Variants in FKBP15 observed in about 807,000 individuals in gnomAD.
FKBP15 encodes FKBP prolyl isomerase family member 15, also known as FK506-binding protein 15.
Under a neutral mutation model 158.1 loss-of-function variants are expected in FKBP15, and 106 were observed. The ratio of observed to expected loss-of-function variants is 0.67; its 90% confidence interval spans 0.57 to 0.79. The LOEUF (loss-of-function observed/expected upper bound fraction) is 0.79, where lower values mean the gene tolerates loss of function less well. Ranked by LOEUF, FKBP15 falls within the 30% of genes least tolerant of loss-of-function variation. The pLI is 0.00. For synonymous variants in FKBP15, 547 were observed against 548.6 expected (o/e 1.00, Z 0.04); for missense variants, 1,287 against 1,479.1 (o/e 0.87, Z 2.13).
intron 21 of FKBP15, 85 bp downstream of exon 21, chr9:113,176,452 A>G: frequency 7.2e-7 from 1 of 1,388,164 alleles, no homozygotes; most frequent in Non-Finnish European, 9.6e-7. Context: ...TTGTTACAAT[A>G]AGCACATACT....
At chr9:113,208,558 G>A (rs1830939795) in intron 2 of FKBP15, among the ~76,000 whole-genome samples, 1 of 152,074 alleles carries the variant, frequency 6.6e-6, no homozygotes, top group South Asian at 2.1e-4. Context: ...TAGAGTACAA[G>A]TGCATTGTAG....
At chr9:113,172,133 G>A (rs1011692858) in intron 23 of FKBP15, among the ~76,000 whole-genome samples, 14 of 152,054 alleles carry the variant, frequency 9.2e-5, no homozygotes, top group African/African-American at 3.4e-4. Flanking sequence ...TTTGCTGGGA[G>A]TGATGGTTTC....
chr9:113,212,544 C>A (rs138729170), intron 1 of FKBP15, among the ~76,000 whole-genome samples: 18 of 152,294 alleles, frequency 1.2e-4, no homozygotes, highest in Admixed American at 5.2e-4. Flanking sequence ...TATTTCACCT[C>A]ATACCACCTT....
At position 113,164,261 on chromosome 9, in the gene FKBP15, T is replaced by G. The variant is rs559125867; in HGVS notation, c.*1817A>C. On this transcript the variant is annotated 3_prime_UTR_variant, in exon 28 of 28. Coordinates refer to ENST00000238256, the MANE Select transcript of FKBP15 (RefSeq NM_015258.2). The stretch of plus-strand genomic sequence containing the variant: ...TTTATAAGCCTGTCTGAGGACAGAG[T>G]CCATCCATCTGCTACAAAGACAACT... 4.3e-5 allele frequency: 6 copies of G among 141,062 alleles called. No individual in the cohort carries two copies. The South Asian group carries it at 1.4e-3, about 32-fold the overall frequency. The allele number at this position is 141,062 out of a possible 1,614,324, so 8.7% of individuals were successfully genotyped here.
intron 5 of FKBP15, 102 bp downstream of exon 5, chr9:113,202,859 G>C: frequency 1.0e-6 from 1 of 995,034 alleles, no homozygotes; most frequent in Non-Finnish European, 1.5e-6. Context: ...GGACACCCAG[G>C]GCTGAACCAG....
In FKBP15 at chr9:113,162,628, A is replaced by G. The variant is rs1830032090; in HGVS notation, c.*3450T>C. Reference sequence around the variant, plus strand: ...GAAAGAAATCACTCCTGGGTTAAGCATACAAGTTATAAATCAATCGGGTCA... The same window carrying G: ...GAAAGAAATCACTCCTGGGTTAAGCGTACAAGTTATAAATCAATCGGGTCA... On this transcript the variant is annotated 3_prime_UTR_variant, in exon 28 of 28. Transcript: ENST00000238256. 2 of 911,718 alleles carry G rather than the reference A, an allele frequency of 2.2e-6. No individual in the cohort carries two copies. Among genetic ancestry groups the G allele is most frequent in the East Asian group, 5.2e-5 (2 of 38,476 alleles). The allele number at this position is 911,718 out of a possible 1,614,324, so 56.5% of individuals were successfully genotyped here. A position where few individuals can be genotyped will look rare whatever the true frequency, so the allele number is the denominator to read the frequency against.
Position 113,171,620 on chromosome 9 carries a change from C to T in FKBP15, c.2619G>A (p.Met873Ile), listed in dbSNP as rs1444313752. The T allele has an allele frequency of 8.7e-6, 14 of 1,606,234 alleles. No homozygotes were observed. The highest frequency in any genetic ancestry group is 6.8e-5 in the Admixed American group (4 of 58,942). ...IKELEKNKSQ[M>I]SGVEAAASDP... ...CAGATGCAGCAGCTTCAACCCCAGA[C>T]ATCTGGGACTTGTTCTTCTCTAGTT... is the stretch of plus-strand genomic sequence containing the variant. The change falls in exon 24 of 28, where the codon ATG (methionine) becomes ATA (isoleucine). Residue 873 changes from methionine to isoleucine, a missense_variant. Transcript: ENST00000238256.
intron 11 of FKBP15, 126 bp from the exon 12 acceptor site, chr9:113,190,704 T>C (rs1351778042): frequency 1.5e-6 from 1 of 673,036 alleles, no homozygotes; most frequent in Middle Eastern, 2.5e-4. Context: ...TTTAAAAACA[T>C]TTCCTCTAGA....
intron 1 of FKBP15, among the ~76,000 whole-genome samples, chr9:113,213,150 CG>C (rs1266797579): frequency 1.3e-5 from 2 of 152,172 alleles, no homozygotes; most frequent in Non-Finnish European, 2.9e-5. Context: ...GGCTCATACC[CG>C]TAATCCCAGC....
rs768178897 is a variant in FKBP15, at chr9:113,165,380, A to G, written c.*698T>C. The G allele has an allele frequency of 2.6e-5, 4 of 152,254 alleles. No individual in the cohort carries two copies. The highest frequency in any genetic ancestry group is 5.9e-5 in the Non-Finnish European group (4 of 68,056). 9.4% of individuals were successfully genotyped at this position (152,254 alleles called of 1,614,324 possible). A position where few individuals can be genotyped will look rare whatever the true frequency, so the allele number is the denominator to read the frequency against. ...TTGAAAGCCTAAAAGTTCCAGGGTT[A>G]GGTATCAAAGGGAGTAAATATGCCA... On this transcript the variant is annotated 3_prime_UTR_variant, in exon 28 of 28. Coordinates refer to ENST00000238256, the MANE Select transcript of FKBP15 (RefSeq NM_015258.2).
chr9:113,200,934 C>T (rs1830776972), intron 6 of FKBP15, among the ~76,000 whole-genome samples: 2 of 151,412 alleles, frequency 1.3e-5, no homozygotes, highest in Non-Finnish European at 2.9e-5. Flanking sequence ...GTCCCAGCTA[C>T]TTGGGAGGCT....
chr9:113,201,121 T>G (rs550513892), intron 6 of FKBP15, among the ~76,000 whole-genome samples: 2 of 148,002 alleles, frequency 1.4e-5, no homozygotes, highest in East Asian at 3.9e-4. Context: ...TTTAACCAAG[T>G]GAAGAAGACC....
intron 27 of FKBP15, among the ~76,000 whole-genome samples, chr9:113,167,970 A>AAC (rs1425941665): frequency 6.6e-6 from 1 of 152,212 alleles, no homozygotes; most frequent in Non-Finnish European, 1.5e-5. Context: ...AATGCTCAGG[A>AAC]ACAGGAGGTC....
chr9:113,200,677 A>T (rs1830771587), intron 6 of FKBP15, among the ~76,000 whole-genome samples: 1 of 152,200 alleles, frequency 6.6e-6, no homozygotes, highest in African/African-American at 2.4e-5. Flanking sequence ...GTTTAGAAAA[A>T]TGTGGATTTG....
At position 113,190,476 on chromosome 9, in the gene FKBP15, T is replaced by C; in HGVS notation, c.1168A>G (p.Ile390Val). The C allele has an allele frequency of 6.2e-7, 1 of 1,608,588 alleles. No individual in the cohort carries two copies. The highest frequency in any genetic ancestry group is 8.5e-7 in the Non-Finnish European group (1 of 1,177,192). ...PPQLDSNDSEIEDVNTLQGGG... is the reference protein window; with the variant it reads ...PPQLDSNDSEVEDVNTLQGGG... ...ATACAGCCAGGGGGACATACTTCGA[T>C]TTCTGAATCATTGGAATCCAGCTGT... Residue 390 changes from isoleucine to valine, a missense_variant, in exon 12 of 28, where the codon ATC becomes GTC. Transcript: ENST00000238256.
At chr9:113,200,003 C>T in intron 6 of FKBP15, 40 bp from the exon 7 acceptor site, 2 of 1,587,200 alleles carry the variant, frequency 1.3e-6, no homozygotes, top group Non-Finnish European at 1.7e-6. Flanking sequence ...GTAGTTTAAG[C>T]TCAATAAGTA....
chr9:113,206,712 ATTTTTT>A (rs35902681), intron 3 of FKBP15, 134 bp from the exon 4 acceptor site: 52 of 290,248 alleles, frequency 1.8e-4, no homozygotes, highest in Middle Eastern at 9.7e-4. Context: ...GCGGTTTAAA[ATTTTTT>A]TTTTTTTTTT....
chr9:113,200,740 CAT>C (rs1830773576), intron 6 of FKBP15, among the ~76,000 whole-genome samples: 1 of 152,044 alleles, frequency 6.6e-6, no homozygotes, highest in Non-Finnish European at 1.5e-5. Flanking sequence ...ACTTGCGGCT[CAT>C]TTTCTTTTAA....
At chr9:113,217,211 T>G (rs10817462) in intron 1 of FKBP15, among the ~76,000 whole-genome samples, 10,864 of 138,500 alleles carry the variant, frequency 0.078, 528 homozygotes, top group South Asian at 0.14. Flanking sequence ...GTTTTTTTTT[T>G]TTTTTTTTTT....
Sources: allele counts gnomAD v4.1 joint callset (sites outside exome capture counted in the v4.1 genomes callset), GRCh38; gene constraint gnomAD v4.1.1; transcripts MANE v1.5; gene names NCBI Gene and HGNC (gene_info 2026-07-23, HGNC 2026-07-21).